Variants in ATE1 observed in about 807,000 individuals in gnomAD.
The protein encoded by ATE1 is arginyltransferase 1.
ATE1 carries 36 observed loss-of-function variants against 70.5 expected under a neutral mutation model. The observed-to-expected ratio is 0.51, with a 90% CI of 0.39 to 0.67. The LOEUF is 0.67. ATE1 is among the 30% of genes least tolerant of loss of function. The pLI, the probability that ATE1 is intolerant of heterozygous loss-of-function variation, is 0.00. For missense variants in ATE1, 593 were observed against 629.5 expected, an observed-to-expected ratio of 0.94 and a Z score of 0.62; for synonymous variants, 232 against 219.3, an observed-to-expected ratio of 1.06 and a Z score of -0.51.
At chr10:121,748,244 C>A (rs1291315933) in intron 11 of ATE1, among the ~76,000 whole-genome samples, 1 of 152,124 alleles carries the variant, frequency 6.6e-6, no homozygotes, top group Non-Finnish European at 1.5e-5. Context: ...TCTGATATGT[C>A]ATTTTATCTA....
intron 8 of ATE1, among the ~76,000 whole-genome samples, chr10:121,863,767 G>A (rs73364450): frequency 0.033 from 5,006 of 152,058 alleles, 149 homozygotes; most frequent in African/African-American, 0.082. Flanking sequence ...ACGCCACTAC[G>A]CCCAGATAAT....
chr10:121,839,708 A>T (rs1442834889), intron 9 of ATE1, among the ~76,000 whole-genome samples: 3 of 152,158 alleles, frequency 2.0e-5, no homozygotes, highest in Admixed American at 6.5e-5. Context: ...ATATTACCTA[A>T]TTGTGGATTT....
chr10:121,863,360 T>C (rs1386916019), intron 8 of ATE1, among the ~76,000 whole-genome samples: 3 of 151,462 alleles, frequency 2.0e-5, no homozygotes, highest in African/African-American at 7.3e-5. Flanking sequence ...TTCAAGCGAT[T>C]CTCCTGCCTC....
In ATE1 at chr10:121,913,831, T is replaced by G. The variant is rs371143220; in HGVS notation, c.296A>C (p.Lys99Thr). 2.5e-6 allele frequency: 4 copies of G among 1,613,312 alleles called. No individual in the cohort carries two copies. Among genetic ancestry groups the G allele is most frequent in the Non-Finnish European group, 3.4e-6 (4 of 1,179,474 alleles). Reference sequence around the variant, plus strand: ...GGGAACCTCCCCTTTAGCTAGAAATTTCAACATTTTTTTCAAAACCTTCTT... The same window carrying G: ...GGGAACCTCCCCTTTAGCTAGAAATGTCAACATTTTTTTCAAAACCTTCTT... ...SHKKVLKKMLKFLAKGEVPKG... is the reference protein window; with the variant it reads ...SHKKVLKKMLTFLAKGEVPKG... Residue 99 changes from lysine to threonine, a missense_variant, in exon 4 of 12, where the codon AAA (lysine) becomes ACA (threonine). Lys to Thr is a moderately conservative substitution (Grantham distance 78, BLOSUM62 -1). Around this residue, in one of 3 missense-constraint regions of ATE1, gnomAD observed 467 missense variants for 469.6 expected, o/e 0.99. Coordinates refer to ENST00000224652, the MANE Select transcript of ATE1 (RefSeq NM_001001976.3).
At chr10:121,751,258 CT>C (rs1944567756) in intron 11 of ATE1, among the ~76,000 whole-genome samples, 1 of 152,210 alleles carries the variant, frequency 6.6e-6, no homozygotes, top group African/African-American at 2.4e-5. Flanking sequence ...TTAATAACAG[CT>C]TTATTGTGAT....
At chr10:121,751,997 T>A (rs1325469132) in intron 11 of ATE1, among the ~76,000 whole-genome samples, 1 of 151,582 alleles carries the variant, frequency 6.6e-6, no homozygotes, top group Non-Finnish European at 1.5e-5. Flanking sequence ...ATCGAGACCA[T>A]CCTGGCTAAC....
rs1951406536 is a variant in ATE1 at position 121,911,107 on chromosome 10, A to G, written c.382T>C (p.Phe128Leu). The G allele has an allele frequency of 6.2e-7, 1 of 1,610,470 alleles. No individual in the cohort carries two copies. Among genetic ancestry groups the G allele is most frequent in the African/African-American group, 1.3e-5 (1 of 74,606 alleles). ...STMDDAVAGD[F>L]ALINKLDIQC... is the part of the protein sequence containing the mutation. ...ATATCCAGTTTATTTATCAATGCAA[A>G]GTCACCCGCAACAGCATCATCCATT... The change falls in exon 5 of 12, where the codon TTT (phenylalanine) becomes CTT (leucine). Residue 128 changes from phenylalanine to leucine, a missense_variant. Phe to Leu is a conservative substitution (Grantham distance 22, BLOSUM62 0). Around this residue, in one of 3 missense-constraint regions of ATE1, gnomAD observed 467 missense variants for 469.6 expected, o/e 0.99. Coordinates refer to ENST00000224652, the MANE Select transcript of ATE1 (RefSeq NM_001001976.3).
At chr10:121,891,157 CA>C (rs1378937954) in intron 7 of ATE1, among the ~76,000 whole-genome samples, 1 of 152,084 alleles carries the variant, frequency 6.6e-6, no homozygotes, top group Non-Finnish European at 1.5e-5. Context: ...AAAGGGTCTC[CA>C]GTTTGTGGCA....
At chr10:121,777,785 G>A (rs1008305349) in intron 11 of ATE1, among the ~76,000 whole-genome samples, 7 of 152,100 alleles carry the variant, frequency 4.6e-5, no homozygotes, top group Non-Finnish European at 1.0e-4. Flanking sequence ...AGAAATTTAC[G>A]TTTATTGTGT....
intron 11 of ATE1, among the ~76,000 whole-genome samples, chr10:121,762,770 T>C (rs533840092): frequency 1.3e-5 from 2 of 152,376 alleles, no homozygotes; most frequent in East Asian, 3.8e-4. Context: ...ATTATCTTAC[T>C]AGCTTTTACG....
At chr10:121,819,680 A>C (rs1467162525) in intron 10 of ATE1, among the ~76,000 whole-genome samples, 3 of 24,074 alleles carry the variant, frequency 1.2e-4, no homozygotes, top group African/African-American at 3.0e-4. Flanking sequence ...AGACTGTCTC[A>C]AAAAAAAAAA....
chr10:121,901,818 GAA>G (rs993178488), intron 6 of ATE1, among the ~76,000 whole-genome samples: 14 of 152,202 alleles, frequency 9.2e-5, no homozygotes, highest in East Asian at 1.9e-4. Flanking sequence ...ATCTAGAAAC[GAA>G]AATAAATTTG....
intron 10 of ATE1, among the ~76,000 whole-genome samples, chr10:121,816,214 A>G (rs1236115885): frequency 6.6e-6 from 1 of 152,210 alleles, no homozygotes; most frequent in Non-Finnish European, 1.5e-5. Flanking sequence ...ATTATTTTAT[A>G]CTATTTTAAA....
intron 8 of ATE1, among the ~76,000 whole-genome samples, chr10:121,845,582 G>A (rs915841232): frequency 3.3e-5 from 5 of 152,176 alleles, no homozygotes; most frequent in African/African-American, 9.6e-5. Flanking sequence ...GAAGGTAACA[G>A]GAACTCTGCA....
At chr10:121,794,340 A>G (rs11200161) in intron 10 of ATE1, among the ~76,000 whole-genome samples, 100,593 of 152,016 alleles carry the variant, frequency 0.66, 33,408 homozygotes, top group African/African-American at 0.71. Context: ...TGAATAAGGA[A>G]ACACTAATAA....
chr10:121,900,133 C>T, intron 6 of ATE1, 139 bp from the exon 7 acceptor site: 1 of 919,780 alleles, frequency 1.1e-6, no homozygotes, highest in Non-Finnish European at 1.6e-6. Flanking sequence ...ATATTAAAAA[C>T]CAACCAGTTA....
intron 7 of ATE1, chr10:121,898,751 G>C (rs1950867945): frequency 6.8e-7 from 1 of 1,460,852 alleles, no homozygotes; most frequent in Admixed American, 1.9e-5. Flanking sequence ...ACACTGAAAG[G>C]GTCATCAGCT....
chr10:121,794,885 C>T (rs1590321149), intron 10 of ATE1, among the ~76,000 whole-genome samples: 1 of 151,952 alleles, frequency 6.6e-6, no homozygotes, highest in South Asian at 2.1e-4. Context: ...ATAAACCTTG[C>T]GGATACGCAG....
chr10:121,758,572 T>C (rs1187014475), intron 11 of ATE1, among the ~76,000 whole-genome samples: 1 of 152,238 alleles, frequency 6.6e-6, no homozygotes, highest in Non-Finnish European at 1.5e-5. Flanking sequence ...AGACAGCCTC[T>C]ACCGGAGGAA....
Sources: gnomAD v4.1 joint callset for allele counts (sites outside exome capture counted in the v4.1 genomes callset) on GRCh38, gnomAD v4.1.1 for gene constraint, gnomAD v4.1.1 regional missense constraint, MANE v1.5 for transcripts, NCBI Gene and HGNC (gene_info 2026-07-23, HGNC 2026-07-21) for gene names.